The following RIF1 variants were observed in gnomAD, a reference collection of about 807,000 sequenced individuals.
The protein encoded by RIF1 is replication timing regulatory factor 1.
In RIF1, 45 loss-of-function variants were observed where a neutral mutation model predicts 247.1. That is an observed-to-expected ratio of 0.18 (90% CI 0.14 to 0.23). The LOEUF is 0.23. Among genes scored for constraint, RIF1 ranks in the 10% least tolerant of loss-of-function variants. RIF1 has a pLI of 1.00. For synonymous variants in RIF1, 1,087 were observed against 978.8 expected (o/e 1.11, Z -2.06); for missense variants, 2,967 against 2,862.5 (o/e 1.04, Z -0.83).
At chr2:151,439,703 G>A (rs1691906851) in intron 14 of RIF1, among the ~76,000 whole-genome samples, 1 of 149,902 alleles carries the variant, frequency 6.7e-6, no homozygotes, top group Admixed American at 6.6e-5. Flanking sequence ...ACCATTCTCA[G>A]CCAGGCATGG....
intron 33 of RIF1, 68 bp from the exon 34 acceptor site, chr2:151,469,643 A>G (rs1697497341): frequency 8.2e-7 from 1 of 1,216,138 alleles, no homozygotes; most frequent in Non-Finnish European, 1.1e-6. Context: ...ATTGAACTGG[A>G]TAAACCCTTG....
chr2:151,473,314 T>A (rs1056882241), intron 34 of RIF1, among the ~76,000 whole-genome samples: 49 of 127,056 alleles, frequency 3.9e-4, no homozygotes, highest in African/African-American at 1.2e-3. Context: ...TTTTTTTTTT[T>A]AAATACAGTG....
At chr2:151,461,317 G>T (rs1193700483) in intron 27 of RIF1, 28 bp downstream of exon 27, 1 of 1,600,892 alleles carries the variant, frequency 6.2e-7, no homozygotes, top group Non-Finnish European at 8.5e-7. Context: ...CTTGAGTTGG[G>T]TATTTGGTAT....
chr2:151,452,691 G>A (rs1694525011), intron 21 of RIF1, among the ~76,000 whole-genome samples: 1 of 152,192 alleles, frequency 6.6e-6, no homozygotes, highest in Non-Finnish European at 1.5e-5. Flanking sequence ...ACCTCAGTGT[G>A]TCAGAAAAAT....
At chr2:151,450,617 G>A (rs1049345063) in intron 20 of RIF1, among the ~76,000 whole-genome samples, 1 of 150,980 alleles carries the variant, frequency 6.6e-6, no homozygotes, top group Non-Finnish European at 1.5e-5. Context: ...ACGGAGCCTC[G>A]CTCTGTCGCA....
rs369701691 is a variant in RIF1, at chr2:151,474,417, G to A, written c.7204+345G>A. Among the ~76,000 whole-genome samples, 166 of 152,288 alleles carry A rather than the reference G, an allele frequency of 1.1e-3. No homozygotes were observed. In the South Asian group the frequency reaches 0.03, roughly 27 times the overall value. On this transcript the variant is annotated intron_variant, in intron 35 of 35. Transcript: ENST00000444746. Reference sequence around the variant, plus strand: ...TGGTAGGTTGGGTATGGTGGCTCACGCCTGTAATCCCAGCACTTTGGGAGG... The same window carrying A: ...TGGTAGGTTGGGTATGGTGGCTCACACCTGTAATCCCAGCACTTTGGGAGG...
chr2:151,499,324 T>TGACTC (rs1300584265), intron 10 of RIF1: 1 of 1,536,988 alleles, frequency 6.5e-7, no homozygotes, highest in Non-Finnish European at 8.8e-7. Flanking sequence ...TGATTGTGTT[T>TGACTC]GACTCTCTCC....
chr2:151,445,513 A>G (rs1693103125), intron 19 of RIF1, 68 bp downstream of exon 19: 16 of 834,408 alleles, frequency 1.9e-5, no homozygotes, highest in Middle Eastern at 2.3e-4. Flanking sequence ...TTCATCCTTT[A>G]TAATCAGCTT....
chr2:151,442,082 T>TATTTTATTTA lies in RIF1; in HGVS notation c.1734+95_1734+96insTATTTAATTT, dbSNP rs1248832519. The TATTTTATTTA allele has an allele frequency of 1.4e-5, 4 of 285,750 alleles. No homozygotes were observed. The South Asian group carries it at 5.1e-4, about 36-fold the overall frequency. 17.7% of individuals were successfully genotyped at this position (285,750 alleles called of 1,614,324 possible). On this transcript the variant is annotated intron_variant, in intron 16 of 35. Transcript: ENST00000444746. Reference sequence around the variant, plus strand: ...TATTTTATTTTATTTTATTTTATTTTATTTATTTTTGAGACGGAGTTTTGC... The same window carrying TATTTTATTTA: ...TATTTTATTTTATTTTATTTTATTTTATTTTATTTAATTTATTTTTGAGACGGAGTTTTGC...
chr2:151,447,588 C>T (rs913053735), intron 20 of RIF1, among the ~76,000 whole-genome samples: 5 of 152,318 alleles, frequency 3.3e-5, no homozygotes, highest in South Asian at 2.1e-4. Context: ...CTCTGCTGCG[C>T]AGGCTTGAGT....
rs2048867050 is a variant in RIF1, at chr2:151,475,127, GA to G, written c.*59del. 1 of 1,216,666 alleles carries G rather than the reference GA, an allele frequency of 8.2e-7. No individual in the cohort carries two copies. The highest frequency in any genetic ancestry group is 1.2e-6 in the Non-Finnish European group (1 of 829,150). The allele number at this position is 1,216,666 out of a possible 1,614,324, so 75.4% of individuals were successfully genotyped here. On this transcript the variant is annotated 3_prime_UTR_variant, in exon 36 of 36. Coordinates refer to ENST00000444746, the MANE Select transcript of RIF1 (RefSeq NM_018151.5). ...AACATCACTGGATTTCTTGATTGAG[GA>G]AACAAGTTCTGAAATAATAGCACAA... is the stretch of plus-strand genomic sequence containing the variant.
chr2:151,416,439 C>A, intron 4 of RIF1, 122 bp from the exon 5 acceptor site: 1 of 913,314 alleles, frequency 1.1e-6, no homozygotes, highest in Non-Finnish European at 1.6e-6. Flanking sequence ...GTTCTCTGAT[C>A]TGTTCTCTGG....
At chr2:151,522,641 A>G in the RIF1 span, among the ~76,000 whole-genome samples, 1 of 152,262 alleles carries the variant, frequency 6.6e-6, no homozygotes, top group African/African-American at 2.4e-5. Flanking sequence ...AACAGAAAAG[A>G]ATGCAACCTG....
At chr2:151,533,937 C>T in the RIF1 span, among the ~76,000 whole-genome samples, 2 of 152,180 alleles carry the variant, frequency 1.3e-5, no homozygotes, top group Non-Finnish European at 1.5e-5. Flanking sequence ...CTGCAGTTTA[C>T]AGTTGCAGTT....
At chr2:151,450,845 A>G (rs903154618) in intron 20 of RIF1, among the ~76,000 whole-genome samples, 5 of 152,110 alleles carry the variant, frequency 3.3e-5, no homozygotes, top group Non-Finnish European at 5.9e-5. Flanking sequence ...CAGCCTCCCA[A>G]AGTGCTGGGA....
In RIF1 at chr2:151,411,077, C is replaced by G. The variant is rs192843021; in HGVS notation, c.105-183C>G. Among the ~76,000 whole-genome samples the G allele has an allele frequency of 1.7e-3, 266 of 152,228 alleles. 2 individuals are homozygous for G. The highest frequency in any genetic ancestry group is 6.1e-3 in the African/African-American group (254 of 41,540). On this transcript the variant is annotated intron_variant, in intron 2 of 35. Coordinates refer to ENST00000444746, the MANE Select transcript of RIF1 (RefSeq NM_018151.5). ...GTAAAAACTTATTCTGAGGGTTTTT[C>G]TACTTTCATTTCTGATATATATTGC...
At chr2:151,461,383 G>C in intron 27 of RIF1, 94 bp downstream of exon 27, 1 of 1,158,488 alleles carries the variant, frequency 8.6e-7, no homozygotes, top group Middle Eastern at 2.4e-4. Flanking sequence ...ACTAAAATAT[G>C]TGTACTAATT....
In RIF1 at chr2:151,469,706, T is replaced by C. The variant is rs1192132384; in HGVS notation, c.6942-5T>C. On this transcript the variant is annotated splice_polypyrimidine_tract_variant and splice_region_variant and intron_variant, in intron 33 of 35. Transcript: ENST00000444746. ...ATTATAATTTCCTGTTTCTGTTTTG[T>C]TTAGGGCAAGAGGCCTGGGACAACT... 3.3e-6 allele frequency: 5 copies of C among 1,536,462 alleles called. No homozygotes were observed. The East Asian group carries it at 9.2e-5, about 28-fold the overall frequency.
At position 151,473,296 on chromosome 2, in the gene RIF1, T is replaced by C. The variant is rs2048707124; in HGVS notation, c.7096-668T>C. On this transcript the variant is annotated intron_variant, in intron 34 of 35. Coordinates refer to ENST00000444746, the MANE Select transcript of RIF1 (RefSeq NM_018151.5). The stretch of plus-strand genomic sequence containing the variant: ...AACACTTAAGAAAATTGTATCCTTT[T>C]TTTTTTTTTTTTTTTTTTAAATACA... 2.0e-5 allele frequency among the ~76,000 whole-genome samples: 3 copies of C among 148,154 alleles called. No individual in the cohort carries two copies. In the South Asian group the frequency reaches 6.4e-4, roughly 32 times the overall value.
Sources: gnomAD v4.1 joint callset for allele counts (sites outside exome capture counted in the v4.1 genomes callset) on GRCh38, gnomAD v4.1.1 for gene constraint, MANE v1.5 for transcripts, NCBI Gene and HGNC (gene_info 2026-07-23, HGNC 2026-07-21) for gene names.